Variants in CCT6B observed in about 807,000 individuals in gnomAD.
The protein encoded by CCT6B is probable T-complex protein 1 subunit zeta-2.
CCT6B carries 49 observed loss-of-function variants against 61.5 expected under a neutral mutation model. The observed-to-expected ratio is 0.80, with a 90% confidence interval of 0.63 to 1.01. The LOEUF (loss-of-function observed/expected upper bound fraction) is 1.01. Ranked by LOEUF, CCT6B falls within the 50% of genes least tolerant of loss-of-function variation. The pLI is 0.00. For missense variants in CCT6B, 666 were observed against 634.7 expected (o/e 1.05, Z -0.53); for synonymous variants, 228 against 214.5 (o/e 1.06, Z -0.55).
At chr17:34,931,584 A>T (rs552401899) in intron 11 of CCT6B, among the ~76,000 whole-genome samples, 2 of 152,226 alleles carry the variant, frequency 1.3e-5, no homozygotes, top group Non-Finnish European at 2.9e-5. Flanking sequence ...GCTGATGAGG[A>T]AAAAGGTACC....
In CCT6B at chr17:34,939,277, G is replaced by T. The variant is rs1006628521; in HGVS notation, c.1119C>A (p.Thr373=). The change falls in exon 10 of 14, where the codon ACC becomes ACA. Residue 373 remains threonine, a synonymous_variant. Transcript: ENST00000314144. ...GCTTATTTGGTCCTTTAACCAACAA[G>T]GTAACAGAGCAAGGGTTAACACACT... ...IEECVNPCSV[T]LLVKGPNKHT... The T allele has an allele frequency of 6.2e-7, 1 of 1,613,752 alleles. No individual in the cohort carries two copies.
At chr17:34,942,394 T>C (rs1255423551) in intron 7 of CCT6B, 90 bp downstream of exon 7, 1 of 946,790 alleles carries the variant, frequency 1.1e-6, no homozygotes, top group African/African-American at 1.7e-5. Flanking sequence ...TCTGAAAAAG[T>C]CTTAGGGATT....
At chr17:34,932,698 A>G (rs2090050098) in intron 10 of CCT6B, among the ~76,000 whole-genome samples, 198 bp from the exon 11 acceptor site, 1 of 152,236 alleles carries the variant, frequency 6.6e-6, no homozygotes, top group Non-Finnish European at 1.5e-5. Flanking sequence ...CATAGTACAG[A>G]TAACTGGCTG....
chr17:34,930,042 C>A (rs984691744), intron 12 of CCT6B, among the ~76,000 whole-genome samples: 6 of 152,158 alleles, frequency 3.9e-5, no homozygotes, highest in Non-Finnish European at 7.3e-5. Flanking sequence ...TGGAGAGTGG[C>A]CAGAGTGATT....
intron 5 of CCT6B, among the ~76,000 whole-genome samples, chr17:34,949,175 G>T (rs2090262282): frequency 6.6e-6 from 1 of 151,802 alleles, no homozygotes; most frequent in Non-Finnish European, 1.5e-5. Flanking sequence ...AAAAGAAAAG[G>T]CCGAGCACGG....
Position 34,942,795 on chromosome 17 carries a change from C to T in CCT6B, c.725+1G>A, listed in dbSNP as rs376851436. ...AGTTATAAAGAGAAAGTAACACGCA[C>T]GTTTTTTCATATTCCAGTGAAACGT... On this transcript the variant is annotated splice_donor_variant, in intron 6 of 13. Transcript: ENST00000314144. LOFTEE classifies it high-confidence loss of function. The T allele has an allele frequency of 1.3e-5, 20 of 1,582,276 alleles. No individual in the cohort carries two copies. The highest frequency in any genetic ancestry group is 2.7e-5 in the African/African-American group (2 of 73,564).
At chr17:34,959,291 A>ATT (rs1160595019) in intron 2 of CCT6B, among the ~76,000 whole-genome samples, 57 of 129,440 alleles carry the variant, frequency 4.4e-4, no homozygotes, top group East Asian at 8.6e-4. Context: ...ACTGAGCAAA[A>ATT]TTTTTTTTTT....
At chr17:34,956,287 T>C (rs1255496193) in intron 3 of CCT6B, among the ~76,000 whole-genome samples, 1 of 152,238 alleles carries the variant, frequency 6.6e-6, no homozygotes, top group Non-Finnish European at 1.5e-5. Flanking sequence ...ACTTTGCTTA[T>C]GTTGTTCCTT....
chr17:34,945,678 A>G (rs1026633258), intron 5 of CCT6B, among the ~76,000 whole-genome samples: 6 of 152,218 alleles, frequency 3.9e-5, no homozygotes, highest in African/African-American at 1.4e-4. Context: ...TTCCCCACAC[A>G]AAAACCACAG....
Position 34,958,703 on chromosome 17 carries a change from A to T in CCT6B, c.202-9T>A. On this transcript the variant is annotated splice_polypyrimidine_tract_variant and intron_variant, in intron 2 of 13. Transcript: ENST00000314144. ...GTTGGATGTTGAATTTGCTGGAAAA[A>T]GCAAGCAACAGATTTAAAAAGACAG... The T allele has an allele frequency of 6.3e-7, 1 of 1,587,582 alleles. No homozygotes were observed. Among genetic ancestry groups the T allele is most frequent in the East Asian group, 2.3e-5 (1 of 44,032 alleles).
At chr17:34,932,604 AG>A in intron 10 of CCT6B, 104 bp from the exon 11 acceptor site, 1 of 1,010,242 alleles carries the variant, frequency 9.9e-7, no homozygotes, top group Admixed American at 2.6e-5. Flanking sequence ...TATTATCTAC[AG>A]AAACCAAATA....
At chr17:34,942,437 G>T in intron 7 of CCT6B, 47 bp downstream of exon 7, 2 of 1,498,566 alleles carry the variant, frequency 1.3e-6, no homozygotes, top group Admixed American at 2.2e-5. Context: ...TTCAAGAAAT[G>T]CTTAAGAACA....
intron 3 of CCT6B, among the ~76,000 whole-genome samples, chr17:34,957,386 C>T (rs1174350421): frequency 3.9e-5 from 6 of 152,048 alleles, no homozygotes; most frequent in African/African-American, 1.4e-4. Context: ...TCAGGTGATC[C>T]ACCTGCCTCG....
At position 34,961,453 on chromosome 17, in the gene CCT6B, G is replaced by T. The variant is rs1054594214; in HGVS notation, c.-60C>A. ...CTTAGTCGCGATTCTGAGCAAAAAC[G>T]GCAATGCGACGCCACGCTCTCTTGA... On this transcript the variant is annotated 5_prime_UTR_variant, in exon 1 of 14. Transcript: ENST00000314144. The T allele has an allele frequency of 6.4e-6, 10 of 1,562,140 alleles. No homozygotes were observed. In the East Asian group the frequency reaches 1.6e-4, roughly 25 times the overall value.
intron 3 of CCT6B, among the ~76,000 whole-genome samples, chr17:34,956,753 CCT>C (rs1435562636): frequency 6.6e-6 from 1 of 152,112 alleles, no homozygotes; most frequent in African/African-American, 2.4e-5. Flanking sequence ...TGCCTAATTT[CCT>C]CTGACAGTCT....
Position 34,951,735 on chromosome 17 carries a change from C to A in CCT6B, c.614+215G>T, listed in dbSNP as rs190353780. ...GTCTTCCCTGTCCACTATAAAATCA[C>A]ACACATGATTTTTTTTCTATTTCAA... On this transcript the variant is annotated intron_variant, in intron 5 of 13. Coordinates refer to ENST00000314144, the MANE Select transcript of CCT6B (RefSeq NM_006584.4). Among the ~76,000 whole-genome samples the A allele has an allele frequency of 1.8e-3, 278 of 152,274 alleles. 2 individuals carry two copies. The highest frequency in any genetic ancestry group is 6.6e-3 in the African/African-American group (273 of 41,544).
intron 4 of CCT6B, among the ~76,000 whole-genome samples, chr17:34,952,255 GATC>G (rs1450574868): frequency 6.6e-6 from 1 of 152,176 alleles, no homozygotes. Flanking sequence ...AAACTTCAGA[GATC>G]ATTAGGTCCA....
At chr17:34,943,059 T>G (rs1273944222) in intron 5 of CCT6B, 153 bp from the exon 6 acceptor site, 5 of 565,892 alleles carry the variant, frequency 8.8e-6, no homozygotes, top group Non-Finnish European at 1.6e-5. Flanking sequence ...TTGTTTTTTG[T>G]TTTCAGAGAT....
At chr17:34,950,885 C>T (rs1468535098) in intron 5 of CCT6B, among the ~76,000 whole-genome samples, 3 of 150,512 alleles carry the variant, frequency 2.0e-5, no homozygotes, top group East Asian at 3.9e-4. Context: ...GCCAAGATCA[C>T]GCCATTGCAC....
Sources: gnomAD v4.1 joint callset for allele counts (sites outside exome capture counted in the v4.1 genomes callset) on GRCh38, gnomAD v4.1.1 for gene constraint, MANE v1.5 for transcripts, NCBI Gene and HGNC (gene_info 2026-07-23, HGNC 2026-07-21) for gene names.